The following AOPEP variants were observed in gnomAD, a reference collection of about 807,000 sequenced individuals.
AOPEP encodes the protein aminopeptidase O.
Under a neutral mutation model 98.1 loss-of-function variants are expected in AOPEP, and 77 were observed. The observed-to-expected ratio is 0.78, with a 90% CI of 0.65 to 0.95. AOPEP has a LOEUF of 0.95. AOPEP is among the 40% of genes least tolerant of loss of function. The probability of loss-of-function intolerance (pLI) is 0.00; values close to 1 mark genes in which losing one functional copy is unlikely to be tolerated. For missense variants in AOPEP, 1,024 were observed against 1,024.7 expected, an observed-to-expected ratio of 1.00 and a Z score of 0.01; for synonymous variants, 346 against 365.3, an observed-to-expected ratio of 0.95 and a Z score of 0.60.
At chr9:95,145,679 C>T in the AOPEP span, among the ~76,000 whole-genome samples, 1 of 152,094 alleles carries the variant, frequency 6.6e-6, no homozygotes, top group Non-Finnish European at 1.5e-5. Context: ...TACTGCCGCA[C>T]GCACATGCAA....
intron 13 of AOPEP, among the ~76,000 whole-genome samples, chr9:95,013,292 T>C (rs1187976175): frequency 6.6e-6 from 1 of 152,146 alleles, no homozygotes; most frequent in Non-Finnish European, 1.5e-5. Context: ...TTTGATGTAA[T>C]ACTTTTTTTT....
At chr9:94,978,448 C>T (rs1279046663) in intron 10 of AOPEP, among the ~76,000 whole-genome samples, 2 of 151,892 alleles carry the variant, frequency 1.3e-5, no homozygotes, top group Non-Finnish European at 2.9e-5. Context: ...TGGTTTCAAT[C>T]CAACGAGGAG....
At chr9:94,821,397 C>T (rs1280861812) in intron 5 of AOPEP, among the ~76,000 whole-genome samples, 2 of 152,156 alleles carry the variant, frequency 1.3e-5, no homozygotes, top group African/African-American at 4.8e-5. Context: ...AAGGGGAAGG[C>T]TAATGCTGTA....
chr9:95,021,807 C>T (rs967107658), intron 13 of AOPEP: 1 of 152,160 alleles, frequency 6.6e-6, no homozygotes, highest in South Asian at 2.1e-4. Flanking sequence ...GAACTGCCCT[C>T]GTTTATGGAA....
chr9:94,877,702 T>G (rs1279006251), intron 5 of AOPEP, among the ~76,000 whole-genome samples: 2 of 152,174 alleles, frequency 1.3e-5, no homozygotes, highest in African/African-American at 4.8e-5. Flanking sequence ...ATTACAGGCA[T>G]GAGCCACTGT....
At chr9:94,803,662 A>C (rs1279904644) in intron 5 of AOPEP, among the ~76,000 whole-genome samples, 1 of 152,250 alleles carries the variant, frequency 6.6e-6, no homozygotes, top group Admixed American at 6.5e-5. Flanking sequence ...CTTTTCAAAC[A>C]TGGCAGTAAC....
At chr9:95,089,855 G>A (rs1030836393), downstream of AOPEP, among the ~76,000 whole-genome samples, 10 of 152,216 alleles carry the variant, frequency 6.6e-5, no homozygotes, top group Admixed American at 6.5e-4. Flanking sequence ...CCCCCACCCT[G>A]CAACAGGCTG....
chr9:95,122,674 A>G, the AOPEP span, among the ~76,000 whole-genome samples: 1 of 152,208 alleles, frequency 6.6e-6, no homozygotes, highest in African/African-American at 2.4e-5. Context: ...CACGGCCAAC[A>G]TAGAGGCTGA....
chr9:94,731,259 G>A (rs955475724), intron 1 of AOPEP, among the ~76,000 whole-genome samples: 3 of 150,196 alleles, frequency 2.0e-5, no homozygotes, highest in Non-Finnish European at 4.4e-5. Context: ...ACGGAGTCTC[G>A]CTCTGTCGCC....
chr9:94,954,471 C>T lies in AOPEP; in HGVS notation c.1662-706C>T, dbSNP rs180740828. Among the ~76,000 whole-genome samples, 38 of 152,144 alleles carry T rather than the reference C, an allele frequency of 2.5e-4. No individual in the cohort carries two copies. The East Asian group carries it at 6.6e-3, about 26-fold the overall frequency. ...ACAGCTGATAAGCTAAGGAAAAAAT[C>T]GCAAAAAAATCTCGTAATGTTTTAA... On this transcript the variant is annotated intron_variant, in intron 7 of 16. Transcript: ENST00000375315.
At chr9:95,101,603 G>T in the AOPEP span, 1 of 1,390,578 alleles carries the variant, frequency 7.2e-7, no homozygotes, top group Non-Finnish European at 1.0e-6. Context: ...ACAGCCCAGC[G>T]AGGGCACTTA....
At chr9:94,869,755 T>G (rs7044371) in intron 5 of AOPEP, among the ~76,000 whole-genome samples, 136,662 of 152,230 alleles carry the variant, frequency 0.9, 61,928 homozygotes, top group East Asian at 0.96. Flanking sequence ...GTCATCTGAG[T>G]ACAGCGTATC....
At chr9:95,078,264 G>A (rs779005604) in intron 14 of AOPEP, among the ~76,000 whole-genome samples, 17 of 152,154 alleles carry the variant, frequency 1.1e-4, no homozygotes, top group African/African-American at 1.7e-4. Flanking sequence ...GCCTCCGGCC[G>A]CCACCGAGGG....
intron 4 of AOPEP, among the ~76,000 whole-genome samples, chr9:94,794,548 T>C (rs537490297): frequency 7.5e-4 from 114 of 152,334 alleles, no homozygotes; most frequent in African/African-American, 2.6e-3. Context: ...CTGATGGGCA[T>C]GTATTATTGC....
chr9:95,048,504 G>C (rs1587790327), intron 13 of AOPEP, among the ~76,000 whole-genome samples: 1 of 152,098 alleles, frequency 6.6e-6, no homozygotes, highest in African/African-American at 2.4e-5. Context: ...GATACTCACG[G>C]GCGCGGGACC....
At chr9:94,903,415 A>G (rs2050688378) in intron 5 of AOPEP, among the ~76,000 whole-genome samples, 1 of 152,112 alleles carries the variant, frequency 6.6e-6, no homozygotes, top group African/African-American at 2.4e-5. Flanking sequence ...TGGATCTGTG[A>G]TAGCAGGTGT....
At chr9:94,784,654 C>T (rs901470529) in intron 3 of AOPEP, among the ~76,000 whole-genome samples, 5 of 152,148 alleles carry the variant, frequency 3.3e-5, no homozygotes, top group South Asian at 2.1e-4. Flanking sequence ...TTCACTCTGT[C>T]GCCCAGGCTG....
Position 94,885,348 on chromosome 9 carries a change from C to CAAAA in AOPEP, c.1365-38599_1365-38596dup, listed in dbSNP as rs71366268. Among the ~76,000 whole-genome samples the CAAAA allele has an allele frequency of 4.0e-3, 143 of 35,986 alleles. 21 individuals are homozygous for CAAAA. The highest frequency in any genetic ancestry group is 0.012 in the East Asian group (9 of 774). The allele number at this position is 35,986 out of a possible 152,430, so 23.6% of individuals were successfully genotyped here. ...TGGGTGACAGAGTGAGATCCTGTCT[C>CAAAA]AAAAAAAAAAAAAAAAAAAAAAAAA... On this transcript the variant is annotated intron_variant, in intron 5 of 16. Transcript: ENST00000375315.
intron 11 of AOPEP, among the ~76,000 whole-genome samples, chr9:94,995,731 T>A (rs2061178361): frequency 6.6e-6 from 1 of 152,290 alleles, no homozygotes; most frequent in South Asian, 2.1e-4. Flanking sequence ...GAAGATAGAT[T>A]TAATAAGATT....
Sources: gnomAD v4.1 joint callset for allele counts (sites outside exome capture counted in the v4.1 genomes callset) on GRCh38, gnomAD v4.1.1 for gene constraint, MANE v1.5 for transcripts, NCBI Gene and HGNC (gene_info 2026-07-23, HGNC 2026-07-21) for gene names.